The following RFTN1 variants were observed in gnomAD, a reference collection of about 807,000 sequenced individuals.
The protein encoded by RFTN1 is raftlin.
In RFTN1, 26 loss-of-function variants were observed where a neutral mutation model predicts 46.5. The observed-to-expected ratio is 0.56, with a 90% confidence interval of 0.41 to 0.78. The LOEUF (loss-of-function observed/expected upper bound fraction) is 0.78. Among genes scored for constraint, RFTN1 ranks in the 30% least tolerant of loss-of-function variants. The pLI, the probability that RFTN1 is intolerant of heterozygous loss-of-function variation, is 0.00. For missense variants in RFTN1, 693 were observed against 718.7 expected (o/e 0.96, Z 0.41); for synonymous variants, 261 against 284.2 (o/e 0.92, Z 0.82).
In RFTN1 at chr3:16,377,840, T is replaced by C; in HGVS notation, c.704A>G (p.Lys235Arg). 2 of 1,614,190 alleles carry C rather than the reference T, an allele frequency of 1.2e-6. No homozygotes were observed. Among genetic ancestry groups the C allele is most frequent in the Non-Finnish European group, 1.7e-6 (2 of 1,180,016 alleles). ...CTCTCCGGAGGGTGAGCTGGGCTGC[T>C]TGGCGAGGGGCACCTCCCCTCTGGG... ...SGPRGEVPLAKQPSSPSGEGD... is the reference protein window; with the variant it reads ...SGPRGEVPLARQPSSPSGEGD... Residue 235 changes from lysine (K) to arginine (R), a missense_variant, in exon 5 of 10, where the codon AAG becomes AGG. By Grantham distance (26) the Lys-to-Arg change is conservative. Coordinates refer to ENST00000334133, the MANE Select transcript of RFTN1 (RefSeq NM_015150.2).
intron 7 of RFTN1, among the ~76,000 whole-genome samples, chr3:16,354,543 G>A (rs979401782): frequency 2.0e-5 from 3 of 152,206 alleles, no homozygotes; most frequent in Non-Finnish European, 4.4e-5. Context: ...CCTCTGATGG[G>A]AGCAGCAGCC....
rs543829753 is a variant in RFTN1 at position 16,374,691 on chromosome 3, G to T, written c.826+3027C>A. Among the ~76,000 whole-genome samples, 61 of 152,340 alleles carry T rather than the reference G, an allele frequency of 4.0e-4. No individual in the cohort carries two copies. The highest frequency in any genetic ancestry group is 1.4e-3 in the African/African-American group (58 of 41,590). Reference sequence around the variant, plus strand: ...GAATGATTAGAATTTTCGTGAACCTGTCTAGCCTCCTGGTTTCTCTGATGG... The same window carrying T: ...GAATGATTAGAATTTTCGTGAACCTTTCTAGCCTCCTGGTTTCTCTGATGG... On this transcript the variant is annotated intron_variant, in intron 5 of 9. Coordinates refer to ENST00000334133, the MANE Select transcript of RFTN1 (RefSeq NM_015150.2). This position sits in a 1 kb window ranked among gnomAD's most constrained non-coding sequence, Gnocchi z 5.4.
chr3:16,448,618 C>T lies in RFTN1; in HGVS notation c.146-14581G>A, dbSNP rs2075774121. 6.6e-6 allele frequency among the ~76,000 whole-genome samples: 1 copy of T among 152,130 alleles called. No individual in the cohort carries two copies. The highest frequency in any genetic ancestry group is 1.5e-5 in the Non-Finnish European group (1 of 68,028). On this transcript the variant is annotated intron_variant, in intron 2 of 9. Transcript: ENST00000334133. The surrounding 1 kb of genome is among the most constrained non-coding windows in gnomAD (Gnocchi z 4.1). ...GGAAAAAAAGTACAACTTTTTACTG[C>T]CTTCATGTTTGATGGTTTGCTCCCT...
At chr3:16,366,095 G>A (rs143897297) in intron 6 of RFTN1, among the ~76,000 whole-genome samples, 46 of 152,300 alleles carry the variant, frequency 3.0e-4, no homozygotes, top group South Asian at 2.1e-3. Context: ...GGAAGGCAGG[G>A]CAAAGAGGGT....
chr3:16,472,224 T>A (rs2076211849), intron 2 of RFTN1: 1 of 151,542 alleles, frequency 6.6e-6, no homozygotes, highest in Non-Finnish European at 1.5e-5. Context: ...TGGGACTTTG[T>A]CTTTAAAAAA....
At chr3:16,332,077 C>G (rs1170707359) in intron 7 of RFTN1, among the ~76,000 whole-genome samples, 1 of 151,880 alleles carries the variant, frequency 6.6e-6, no homozygotes, top group African/African-American at 2.4e-5. Flanking sequence ...AATTTCATGA[C>G]AATGTGCTTT....
At chr3:16,494,913 G>T (rs1430915338) in intron 1 of RFTN1, among the ~76,000 whole-genome samples, 3 of 152,164 alleles carry the variant, frequency 2.0e-5, no homozygotes, top group Non-Finnish European at 4.4e-5. Flanking sequence ...TCCTTTTAGA[G>T]ATAAGAATTT....
intron 2 of RFTN1, among the ~76,000 whole-genome samples, chr3:16,472,930 G>A (rs1213507802): frequency 6.6e-6 from 1 of 152,176 alleles, no homozygotes; most frequent in Non-Finnish European, 1.5e-5. Flanking sequence ...GACTGGCCCT[G>A]GGAGATTTCT....
chr3:16,416,604 G>C (rs541356556), intron 3 of RFTN1, among the ~76,000 whole-genome samples: 2 of 152,334 alleles, frequency 1.3e-5, no homozygotes, highest in East Asian at 3.9e-4. Flanking sequence ...TAAATCTCAA[G>C]TTATTCCTAG....
rs1385652324 is a variant in RFTN1, at chr3:16,512,200, G to A, written c.-9+1242C>T. 3.9e-5 allele frequency among the ~76,000 whole-genome samples: 6 copies of A among 152,100 alleles called. 1 individual carries two copies. The highest frequency in any genetic ancestry group is 2.6e-4 in the Admixed American group (4 of 15,270). ...ACAAATTAGGAATCCCGGCAGCAGA[G>A]AGGCCCTACCCACAGGCCCAGAGGT... On this transcript the variant is annotated intron_variant, in intron 1 of 9. Coordinates refer to ENST00000334133, the MANE Select transcript of RFTN1 (RefSeq NM_015150.2). This position sits in a 1 kb window ranked among gnomAD's most constrained non-coding sequence, Gnocchi z 4.3.
At position 16,377,991 on chromosome 3, in the gene RFTN1, C is replaced by T. The variant is rs750889013; in HGVS notation, c.553G>A (p.Glu185Lys). ...SAPVSTANST[E>K]DARDAKNARG... ...GCGTTTTTTGCATCTCTGGCATCCTCGGTGCTGTTGGCAGTAGACACCGGA... is the reference window on the plus strand; with the variant it reads ...GCGTTTTTTGCATCTCTGGCATCCTTGGTGCTGTTGGCAGTAGACACCGGA... Residue 185 changes from glutamate to lysine, a missense_variant, in exon 5 of 10, where the codon GAG becomes AAG. By Grantham distance (56) the Glu-to-Lys change is moderately conservative. Coordinates refer to ENST00000334133, the MANE Select transcript of RFTN1 (RefSeq NM_015150.2). The T allele has an allele frequency of 8.7e-6, 14 of 1,614,128 alleles. No individual in the cohort carries two copies. The South Asian group carries it at 9.9e-5, about 11-fold the overall frequency.
At chr3:16,435,945 T>TATATATATATATATATATATAA (rs2075504714) in intron 2 of RFTN1, among the ~76,000 whole-genome samples, 1 of 126,124 alleles carries the variant, frequency 7.9e-6, no homozygotes, top group African/African-American at 2.9e-5. Flanking sequence ...TATATATATA[T>TATATATATATATATATATATAA]CACACACATA....
chr3:16,370,229 G>A lies in RFTN1; in HGVS notation c.877C>T (p.Arg293Trp), dbSNP rs201565237. ...GGAATGGTGACAGGGTAGTATTGCC[G>A]GCACTTCTGATGGCTCTTCGGTTTG... ...FNKPKSHQKC[R>W]QYYPVTIPLH... Residue 293 changes from arginine to tryptophan, a missense_variant, in exon 6 of 10, where the codon CGG becomes TGG. By Grantham distance (101) the Arg-to-Trp change is moderately radical. Coordinates refer to ENST00000334133, the MANE Select transcript of RFTN1 (RefSeq NM_015150.2). The surrounding 1 kb of genome is among the most constrained non-coding windows in gnomAD (Gnocchi z 5.5). 2.3e-5 allele frequency: 37 copies of A among 1,614,068 alleles called. No individual in the cohort carries two copies. Among genetic ancestry groups the A allele is most frequent in the East Asian group, 8.9e-5 (4 of 44,896 alleles).
intron 2 of RFTN1, among the ~76,000 whole-genome samples, chr3:16,477,920 C>A (rs1189458025): frequency 6.6e-6 from 1 of 152,174 alleles, no homozygotes; most frequent in Non-Finnish European, 1.5e-5. Context: ...GCTCAACAGG[C>A]CCATGGCATG....
At chr3:16,453,109 A>T (rs2075847566) in intron 2 of RFTN1, among the ~76,000 whole-genome samples, 1 of 152,190 alleles carries the variant, frequency 6.6e-6, no homozygotes, top group Admixed American at 6.5e-5. Flanking sequence ...TACTATTATT[A>T]TCTCCATTTT....
intron 6 of RFTN1, among the ~76,000 whole-genome samples, chr3:16,367,875 C>T (rs1559296758): frequency 6.6e-6 from 1 of 152,080 alleles, no homozygotes; most frequent in Non-Finnish European, 1.5e-5. Flanking sequence ...CTGACATGCT[C>T]AGGCAGTGGG....
chr3:16,319,721 C>T (rs2068832403), intron 9 of RFTN1, among the ~76,000 whole-genome samples: 1 of 152,172 alleles, frequency 6.6e-6, no homozygotes, highest in Non-Finnish European at 1.5e-5. Flanking sequence ...AACGAGAACA[C>T]AAATGGTAGA....
intron 3 of RFTN1, among the ~76,000 whole-genome samples, chr3:16,415,352 T>C (rs1404151166): frequency 6.6e-6 from 1 of 150,554 alleles, no homozygotes; most frequent in Non-Finnish European, 1.5e-5. Flanking sequence ...GTTTCAGATA[T>C]GTTGAATATG....
Position 16,384,261 on chromosome 3 carries a change from CAT to C in RFTN1, c.442-6161_442-6160del, listed in dbSNP as rs1437347664. Among the ~76,000 whole-genome samples, 4 of 152,222 alleles carry C rather than the reference CAT, an allele frequency of 2.6e-5. No homozygotes were observed. In the East Asian group the frequency reaches 5.8e-4, roughly 22 times the overall value. On this transcript the variant is annotated intron_variant, in intron 4 of 9. Coordinates refer to ENST00000334133, the MANE Select transcript of RFTN1 (RefSeq NM_015150.2). The surrounding 1 kb of genome is among the most constrained non-coding windows in gnomAD (Gnocchi z 4.7). ...TCAGACTTGTTGGCCCCCACTATCA[CAT>C]GAGCCAGTTCCTTAAAATAATCAAT...
Sources: gnomAD v4.1 joint callset for allele counts (sites outside exome capture counted in the v4.1 genomes callset) on GRCh38, gnomAD v4.1.1 for gene constraint, Gnocchi (gnomAD v3.1) non-coding constraint, MANE v1.5 for transcripts, NCBI Gene and HGNC (gene_info 2026-07-23, HGNC 2026-07-21) for gene names.